RTN4RL1: variants seen among roughly 807,000 people sequenced by gnomAD.
RTN4RL1 encodes the protein reticulon-4 receptor-like 1.
In RTN4RL1, 7 loss-of-function variants were observed where a neutral mutation model predicts 25.6. That is an observed-to-expected ratio of 0.27 (90% CI 0.16 to 0.51). The LOEUF is 0.51. RTN4RL1 is among the 20% of genes least tolerant of loss of function. The probability of loss-of-function intolerance (pLI) is 0.97; values close to 1 mark genes in which losing one functional copy is unlikely to be tolerated. For missense variants in RTN4RL1, 500 were observed against 615.6 expected (o/e 0.81, Z 1.99); for synonymous variants, 297 against 288.2 (o/e 1.03, Z -0.31).
chr17:1,961,979 G>A (rs868005776), intron 1 of RTN4RL1, among the ~76,000 whole-genome samples: 2,735 of 144,222 alleles, frequency 0.019, 36 homozygotes, highest in Non-Finnish European at 0.03. Flanking sequence ...AGAAAGAAAA[G>A]AAAGAAAGAA....
chr17:2,021,579 G>T (rs2067202987), intron 1 of RTN4RL1, among the ~76,000 whole-genome samples: 1 of 111,650 alleles, frequency 9.0e-6, no homozygotes, highest in Non-Finnish European at 1.7e-5. Context: ...TTTTGAGACA[G>T]AGTCTCGCAT....
intron 1 of RTN4RL1, among the ~76,000 whole-genome samples, chr17:1,946,114 G>T (rs770100995): frequency 6.6e-6 from 1 of 152,190 alleles, no homozygotes; most frequent in Non-Finnish European, 1.5e-5. Flanking sequence ...AGAGGCCCAG[G>T]GCAGGGTGAC....
At chr17:1,990,500 A>G (rs1403570770) in intron 1 of RTN4RL1, among the ~76,000 whole-genome samples, 1 of 152,204 alleles carries the variant, frequency 6.6e-6, no homozygotes, top group Non-Finnish European at 1.5e-5. Context: ...CAGGAGTTCA[A>G]GACCAGCCTG....
Position 1,937,007 on chromosome 17 carries a change from C to T in RTN4RL1, c.815G>A (p.Arg272Lys), listed in dbSNP as rs563774766. Residue 272 changes from arginine (R) to lysine (K), a missense_variant, in exon 2 of 2, where the codon AGG becomes AAG. Transcript: ENST00000331238. ...GACAGCGGAGCTGGAGCCCCGGAAC[C>T]TCTGCAGCCATTCCCACAGGGAGCG... ...RARSLWEWLQRFRGSSSAVPC... is the reference protein window; with the variant it reads ...RARSLWEWLQKFRGSSSAVPC... 2 of 1,604,594 alleles carry T rather than the reference C, an allele frequency of 1.2e-6. No individual in the cohort carries two copies. Among genetic ancestry groups the T allele is most frequent in the African/African-American group, 1.3e-5 (1 of 74,978 alleles).
intron 1 of RTN4RL1, among the ~76,000 whole-genome samples, chr17:2,005,466 G>T (rs2151323975): frequency 6.6e-6 from 1 of 152,338 alleles, no homozygotes; most frequent in South Asian, 2.1e-4. Context: ...AGAGGTGAAG[G>T]GCTTGGCCAC....
chr17:1,968,012 G>A (rs2066800335), intron 1 of RTN4RL1, among the ~76,000 whole-genome samples: 1 of 151,956 alleles, frequency 6.6e-6, no homozygotes, highest in Non-Finnish European at 1.5e-5. Context: ...CGGTTTCCTT[G>A]ACACAACGCC....
In RTN4RL1 at chr17:1,985,055, C is replaced by G. The variant is rs542365211; in HGVS notation, c.13+39798G>C. On this transcript the variant is annotated intron_variant, in intron 1 of 1. Coordinates refer to ENST00000331238, the MANE Select transcript of RTN4RL1 (RefSeq NM_178568.4). ...ATATGCGACAAGCATTTTTCACGCACTGCTCATTTCATTCTCTCAATGACC... is the reference window on the plus strand; with the variant it reads ...ATATGCGACAAGCATTTTTCACGCAGTGCTCATTTCATTCTCTCAATGACC... Among the ~76,000 whole-genome samples the G allele has an allele frequency of 1.1e-4, 17 of 152,340 alleles. No individual in the cohort carries two copies. In the South Asian group the frequency reaches 3.3e-3, roughly 30 times the overall value.
At chr17:1,983,051 CT>C (rs574037990) in intron 1 of RTN4RL1, among the ~76,000 whole-genome samples, 262 of 146,948 alleles carry the variant, frequency 1.8e-3, no homozygotes, top group Middle Eastern at 3.5e-3. Flanking sequence ...TCTTCTTCTT[CT>C]TTTTTTTTTT....
chr17:1,959,941 C>G (rs2151309608), intron 1 of RTN4RL1, among the ~76,000 whole-genome samples: 1 of 152,322 alleles, frequency 6.6e-6, no homozygotes, highest in East Asian at 1.9e-4. Flanking sequence ...GACCAGTCCA[C>G]CCGCCTGCCC....
intron 1 of RTN4RL1, among the ~76,000 whole-genome samples, chr17:1,999,318 C>G (rs1315038540): frequency 6.6e-6 from 1 of 151,952 alleles, no homozygotes; most frequent in Non-Finnish European, 1.5e-5. Flanking sequence ...TGGTGGCGCG[C>G]GCCTGTGATC....
rs74644325 is a variant in RTN4RL1, at chr17:1,937,063, G to A, written c.759C>T (p.Asn253=). Residue 253 remains asparagine (N), a synonymous_variant, in exon 2 of 2, where the codon AAC becomes AAT. Coordinates refer to ENST00000331238, the MANE Select transcript of RTN4RL1 (RefSeq NM_178568.4). The part of the protein sequence containing the change: ...PLGALEFLRL[N]GNPWDCGCRA... ...GACAACCACAGTCCCAGGGGTTGCC[G>A]TTGAGGCGGAGGAACTCCAGGGCCC... 39,607 of 1,605,052 alleles carry A rather than the reference G, an allele frequency of 0.025. 1,123 individuals carry two copies. Among genetic ancestry groups the A allele is most frequent in the East Asian group, 0.15 (6,769 of 44,546 alleles).
At chr17:2,024,450 C>T (rs1228773489) in intron 1 of RTN4RL1, among the ~76,000 whole-genome samples, 1 of 151,630 alleles carries the variant, frequency 6.6e-6, no homozygotes, top group African/African-American at 2.4e-5. Flanking sequence ...TGCACGGGGG[C>T]GCCGTGCGGA....
At chr17:1,991,905 C>T (rs546510060) in intron 1 of RTN4RL1, among the ~76,000 whole-genome samples, 3 of 152,258 alleles carry the variant, frequency 2.0e-5, no homozygotes, top group East Asian at 1.9e-4. Flanking sequence ...GCTCTATTTA[C>T]GGAGCTGTAA....
At chr17:1,944,583 A>C (rs1470075655) in intron 1 of RTN4RL1, among the ~76,000 whole-genome samples, 1 of 152,032 alleles carries the variant, frequency 6.6e-6, no homozygotes, top group African/African-American at 2.4e-5. Flanking sequence ...CAGCCTCCTG[A>C]GTAGCTGGGA....
chr17:1,936,163 C>G lies in RTN4RL1; in HGVS notation c.*333G>C, dbSNP rs1029051591. 1 of 1,129,382 alleles carries G rather than the reference C, an allele frequency of 8.9e-7. No individual in the cohort carries two copies. Among genetic ancestry groups the G allele is most frequent in the Admixed American group, 4.5e-5 (1 of 22,370 alleles). 70.0% of individuals were successfully genotyped at this position (1,129,382 alleles called of 1,614,324 possible). Reference sequence around the variant, plus strand: ...GAACGATCGGGATTCCACAGAGCCCCGGTGCCGCCGTCGGGGGCAATTGTC... The same window carrying G: ...GAACGATCGGGATTCCACAGAGCCCGGGTGCCGCCGTCGGGGGCAATTGTC... On this transcript the variant is annotated 3_prime_UTR_variant, in exon 2 of 2. Coordinates refer to ENST00000331238, the MANE Select transcript of RTN4RL1 (RefSeq NM_178568.4).
intron 1 of RTN4RL1, among the ~76,000 whole-genome samples, chr17:1,955,170 C>G (rs976032657): frequency 4.6e-5 from 7 of 152,204 alleles, no homozygotes; most frequent in African/African-American, 1.7e-4. Context: ...GCCCAGGTAG[C>G]ATTTAGCATA....
intron 1 of RTN4RL1, among the ~76,000 whole-genome samples, chr17:1,956,440 TG>T (rs372399581): frequency 0.028 from 917 of 33,260 alleles, 10 homozygotes; most frequent in African/African-American, 0.094. Context: ...GGGGGCCTGG[TG>T]GGGGGGCGGG....
chr17:2,011,550 G>C (rs777426900), intron 1 of RTN4RL1, among the ~76,000 whole-genome samples: 5 of 152,194 alleles, frequency 3.3e-5, no homozygotes, highest in Non-Finnish European at 7.3e-5. Context: ...AGGAGGAGCT[G>C]GCGGGGTGGA....
At chr17:1,981,511 C>T (rs577442095) in intron 1 of RTN4RL1, among the ~76,000 whole-genome samples, 5 of 152,290 alleles carry the variant, frequency 3.3e-5, no homozygotes, top group East Asian at 1.9e-4. Flanking sequence ...TTTTGCCCTG[C>T]GGCTGCCTCG....
Sources: allele counts gnomAD v4.1 joint callset (sites outside exome capture counted in the v4.1 genomes callset), GRCh38; gene constraint gnomAD v4.1.1; transcripts MANE v1.5; gene names NCBI Gene and HGNC (gene_info 2026-07-23, HGNC 2026-07-21).